The following CCDC102A variants were observed in gnomAD, a reference collection of about 807,000 sequenced individuals.
CCDC102A encodes the protein coiled-coil domain containing 102A.
A neutral mutation model predicts 55.5 loss-of-function variants in CCDC102A; 40 were observed. The ratio of observed to expected loss-of-function variants is 0.72; its 90% CI spans 0.56 to 0.94. CCDC102A has a LOEUF of 0.94. Ranked by LOEUF, CCDC102A falls within the 40% of genes least tolerant of loss-of-function variation. The pLI is 0.00. For missense variants in CCDC102A, 779 were observed against 768.6 expected (o/e 1.01, Z -0.16); for synonymous variants, 323 against 339.0 (o/e 0.95, Z 0.52).
In CCDC102A at chr16:57,512,526, G is replaced by A. The variant is rs186910892; in HGVS notation, c.*215C>T. The stretch of plus-strand genomic sequence containing the variant: ...GACTTCTGGGTGTGCGCGCGCGCGC[G>A]CGCGTGTGTGTATATATATATATAA... On this transcript the variant is annotated 3_prime_UTR_variant, in exon 9 of 9. Coordinates refer to ENST00000258214, the MANE Select transcript of CCDC102A (RefSeq NM_033212.4). The A allele has an allele frequency of 8.3e-3, 4,058 of 488,204 alleles. 24 individuals are homozygous for A. Among genetic ancestry groups the A allele is most frequent in the Non-Finnish European group, 0.012 (3,328 of 284,874 alleles). The allele number at this position is 488,204 out of a possible 1,614,324, so 30.2% of individuals were successfully genotyped here.
At chr16:57,525,685 A>G (rs2032126740) in intron 3 of CCDC102A, among the ~76,000 whole-genome samples, 3 of 152,248 alleles carry the variant, frequency 2.0e-5, no homozygotes, top group African/African-American at 7.2e-5. Flanking sequence ...GGCAGAGCAC[A>G]GTGCCTGGCC....
At chr16:57,531,663 C>T (rs2032265985) in intron 1 of CCDC102A, among the ~76,000 whole-genome samples, 1 of 152,138 alleles carries the variant, frequency 6.6e-6, no homozygotes, top group African/African-American at 2.4e-5. Context: ...ACTCCAAATA[C>T]TCTCCAATCC....
chr16:57,512,983 C>T, intron 8 of CCDC102A, 113 bp from the exon 9 acceptor site: 1 of 829,400 alleles, frequency 1.2e-6, no homozygotes, highest in East Asian at 2.5e-5. Flanking sequence ...TCCCTGCTGT[C>T]TCATCTCCTG....
intron 1 of CCDC102A, among the ~76,000 whole-genome samples, chr16:57,535,063 C>T (rs2032345652): frequency 6.6e-6 from 1 of 152,226 alleles, no homozygotes; most frequent in African/African-American, 2.4e-5. Flanking sequence ...AGGTAGGGCC[C>T]TGGGACAAGC....
In CCDC102A at chr16:57,518,135, C is replaced by A; in HGVS notation, c.1181G>T (p.Arg394Leu). Residue 394 changes from arginine to leucine, a missense_variant, in exon 6 of 9, where the codon CGG (arginine) becomes CTG (leucine). Transcript: ENST00000258214. Reference sequence around the variant, plus strand: ...GCAGTCCAGTGCGCTGGCTGTTTGCCGCCGCCGCCGGGCCAGCGCCTCCTC... The same window carrying A: ...GCAGTCCAGTGCGCTGGCTGTTTGCAGCCGCCGCCGGGCCAGCGCCTCCTC... ...DLEEALARRRRQTASALDCDL... is the reference protein window; with the variant it reads ...DLEEALARRRLQTASALDCDL... The A allele has an allele frequency of 1.2e-6, 2 of 1,609,750 alleles. No homozygotes were observed. Among genetic ancestry groups the A allele is most frequent in the Non-Finnish European group, 1.7e-6 (2 of 1,179,576 alleles).
chr16:57,522,863 C>T (rs1334473234), intron 3 of CCDC102A, among the ~76,000 whole-genome samples: 1 of 152,206 alleles, frequency 6.6e-6, no homozygotes, highest in African/African-American at 2.4e-5. Context: ...TATCACAACA[C>T]GTGTATTTTA....
chr16:57,527,679 C>G (rs1484806044), intron 2 of CCDC102A, among the ~76,000 whole-genome samples: 1 of 152,298 alleles, frequency 6.6e-6, no homozygotes, highest in Admixed American at 6.5e-5. Flanking sequence ...TTTGGCCTCC[C>G]AAAGTGCTGG....
At chr16:57,521,500 G>A (rs533394503) in intron 3 of CCDC102A, among the ~76,000 whole-genome samples, 5 of 152,234 alleles carry the variant, frequency 3.3e-5, no homozygotes, top group Non-Finnish European at 7.4e-5. Flanking sequence ...AGGAGGTGGC[G>A]GCCCCAGCAC....
rs2031878906 is a variant in CCDC102A at position 57,512,477 on chromosome 16, T to C, written c.*264A>G. 2.3e-6 allele frequency: 1 copy of C among 431,282 alleles called. No homozygotes were observed. 26.7% of individuals were successfully genotyped at this position (431,282 alleles called of 1,614,324 possible). A position where few individuals can be genotyped will look rare whatever the true frequency, so the allele number is the denominator to read the frequency against. Reference sequence around the variant, plus strand: ...GACTGGGCCTTGGAGCTGTCCTGTATTTATAAAACCAAATGGGTCCAAAGA... The same window carrying C: ...GACTGGGCCTTGGAGCTGTCCTGTACTTATAAAACCAAATGGGTCCAAAGA... On this transcript the variant is annotated 3_prime_UTR_variant, in exon 9 of 9. Transcript: ENST00000258214.
chr16:57,520,971 G>C, intron 4 of CCDC102A, 97 bp downstream of exon 4: 1 of 734,620 alleles, frequency 1.4e-6, no homozygotes, highest in South Asian at 1.6e-5. Context: ...ACTGTTGGAT[G>C]AATTAATGAA....
intron 3 of CCDC102A, among the ~76,000 whole-genome samples, chr16:57,523,332 G>A (rs1396201614): frequency 6.6e-6 from 1 of 152,160 alleles, no homozygotes; most frequent in Non-Finnish European, 1.5e-5. Context: ...TCTGAGGGCT[G>A]CGAGAAAGAA....
At chr16:57,528,073 C>T (rs1306172129) in intron 2 of CCDC102A, among the ~76,000 whole-genome samples, 2 of 152,362 alleles carry the variant, frequency 1.3e-5, no homozygotes, top group East Asian at 3.9e-4. Context: ...GCAGCCACAG[C>T]CTCCCAAGTA....
chr16:57,520,006 A>G (rs2032018859), intron 4 of CCDC102A, among the ~76,000 whole-genome samples: 1 of 152,190 alleles, frequency 6.6e-6, no homozygotes, highest in Admixed American at 6.5e-5. Context: ...GAGCCCCCAC[A>G]CTGCAGTGGT....
chr16:57,526,716 CCT>C (rs2032146367), intron 2 of CCDC102A, among the ~76,000 whole-genome samples: 1 of 152,216 alleles, frequency 6.6e-6, no homozygotes, highest in Non-Finnish European at 1.5e-5. Context: ...GACCACAGCC[CCT>C]GTTCCAGCTT....
At position 57,516,475 on chromosome 16, in the gene CCDC102A, AG is replaced by A. The variant is rs1424217329; in HGVS notation, c.1249-13del. On this transcript the variant is annotated splice_polypyrimidine_tract_variant and intron_variant, in intron 6 of 8. Transcript: ENST00000258214. This position sits in a 1 kb window ranked among gnomAD's most constrained non-coding sequence, Gnocchi z 4.4. ...AGGTCTGCCAGCTCCTACAGGGCAC[AG>A]GGATGGGGTGGGAGGGAGGAGGGAA... is the stretch of plus-strand genomic sequence containing the variant. The A allele has an allele frequency of 2.7e-6, 3 of 1,126,972 alleles. No homozygotes were observed. Among genetic ancestry groups the A allele is most frequent in the Non-Finnish European group, 3.8e-6 (3 of 781,628 alleles). The allele number at this position is 1,126,972 out of a possible 1,614,324, so 69.8% of individuals were successfully genotyped here.
At position 57,512,908 on chromosome 16, in the gene CCDC102A, G is replaced by A. The variant is rs192822672; in HGVS notation, c.1524-38C>T. The stretch of plus-strand genomic sequence containing the variant: ...GGTGACAGGAGGTTAGAGCAGCCTG[G>A]CTGGTAGTCCCCCGATAAGGTGGCT... On this transcript the variant is annotated intron_variant, in intron 8 of 8. Transcript: ENST00000258214. 208 of 1,589,648 alleles carry A rather than the reference G, an allele frequency of 1.3e-4. No homozygotes were observed. The African/African-American group carries it at 2.4e-3, about 18-fold the overall frequency.
chr16:57,528,566 C>G, intron 2 of CCDC102A, 27 bp downstream of exon 2: 1 of 1,208,034 alleles, frequency 8.3e-7, no homozygotes, highest in Non-Finnish European at 1.0e-6. Context: ...GAGACTGGAG[C>G]GCGAACGCCC....
At position 57,529,228 on chromosome 16, in the gene CCDC102A, G is replaced by C; in HGVS notation, c.-51C>G. The C allele has an allele frequency of 8.7e-7, 1 of 1,145,806 alleles. No homozygotes were observed. Among genetic ancestry groups the C allele is most frequent in the Non-Finnish European group, 1.1e-6 (1 of 931,484 alleles). 71.0% of individuals were successfully genotyped at this position (1,145,806 alleles called of 1,614,324 possible). A position where few individuals can be genotyped will look rare whatever the true frequency, so the allele number is the denominator to read the frequency against. ...CGAACTCGCGGTCGGGCTCAGGGGC[G>C]GCTCCGGGGACGCGCGGCGGGCGCG... On this transcript the variant is annotated 5_prime_UTR_variant, in exon 2 of 9. Coordinates refer to ENST00000258214, the MANE Select transcript of CCDC102A (RefSeq NM_033212.4). This position sits in a 1 kb window ranked among gnomAD's most constrained non-coding sequence, Gnocchi z 4.1.
At chr16:57,535,296 C>T (rs1210894968) in intron 1 of CCDC102A, among the ~76,000 whole-genome samples, 3 of 152,142 alleles carry the variant, frequency 2.0e-5, no homozygotes, top group Admixed American at 6.5e-5. Context: ...GGACCTAAGC[C>T]CAGGGGTAGG....
Sources: gnomAD v4.1 joint callset for allele counts (sites outside exome capture counted in the v4.1 genomes callset) on GRCh38, gnomAD v4.1.1 for gene constraint, Gnocchi (gnomAD v3.1) non-coding constraint, MANE v1.5 for transcripts, NCBI Gene and HGNC (gene_info 2026-07-23, HGNC 2026-07-21) for gene names.